The following BICD1 variants were observed in gnomAD, a reference collection of about 807,000 sequenced individuals.
The protein encoded by BICD1 is protein bicaudal D homolog 1.
Under a neutral mutation model 92.5 loss-of-function variants are expected in BICD1, and 35 were observed. The observed-to-expected ratio is 0.38, with a 90% CI of 0.29 to 0.50. BICD1 has a LOEUF of 0.50. Among genes scored for constraint, BICD1 ranks in the 20% least tolerant of loss-of-function variants. BICD1 has a pLI of 0.93. For synonymous variants in BICD1, 429 were observed against 465.1 expected (o/e 0.92, Z 1.00); for missense variants, 950 against 1,189.8 (o/e 0.80, Z 2.97).
chr12:32,337,399 A>G lies in BICD1; in HGVS notation c.2253-100A>G. 1.8e-6 allele frequency: 2 copies of G among 1,121,888 alleles called. No homozygotes were observed. The highest frequency in any genetic ancestry group is 2.6e-6 in the Non-Finnish European group (2 of 782,872). 69.5% of individuals were successfully genotyped at this position (1,121,888 alleles called of 1,614,324 possible). ...TGCTAGACCTTTAAACCAGTCTTCTAAATTTCTAAATTTCGGTCAAATTTA... is the reference window on the plus strand; with the variant it reads ...TGCTAGACCTTTAAACCAGTCTTCTGAATTTCTAAATTTCGGTCAAATTTA... On this transcript the variant is annotated intron_variant, in intron 6 of 9. Coordinates refer to ENST00000652176, the MANE Select transcript of BICD1 (RefSeq NM_001714.4). This position sits in a 1 kb window ranked among gnomAD's most constrained non-coding sequence, Gnocchi z 4.7.
intron 8 of BICD1, among the ~76,000 whole-genome samples, chr12:32,360,296 T>C (rs190647779): frequency 6.6e-6 from 1 of 152,142 alleles, no homozygotes; most frequent in Admixed American, 6.5e-5. Flanking sequence ...CATGAACTTA[T>C]GAAAGATAGA....
At chr12:32,306,437 G>T (rs185960466) in intron 4 of BICD1, among the ~76,000 whole-genome samples, 1 of 151,714 alleles carries the variant, frequency 6.6e-6, no homozygotes, top group African/African-American at 2.4e-5. Context: ...GTAGAGACGG[G>T]GTTTCACCGT....
intron 2 of BICD1, among the ~76,000 whole-genome samples, chr12:32,250,102 C>T (rs1487935200): frequency 6.6e-6 from 1 of 152,062 alleles, no homozygotes; most frequent in Non-Finnish European, 1.5e-5. Context: ...AAAACTAAAG[C>T]TTGTCCTACA....
chr12:32,225,621 G>GTTTTTGTTTTTTTTTTTTTTTTTTTT (rs1411722126), intron 2 of BICD1, among the ~76,000 whole-genome samples: 1 of 92,776 alleles, frequency 1.1e-5, no homozygotes, highest in Non-Finnish European at 2.1e-5. Flanking sequence ...CTTTTTTTCT[G>GTTTTTGTTTTTTTTTTTTTTTTTTTT]TTTTTTTTTT....
chr12:32,237,491 AGAG>A (rs1946107678), intron 2 of BICD1, among the ~76,000 whole-genome samples: 1 of 152,186 alleles, frequency 6.6e-6, no homozygotes, highest in Admixed American at 6.5e-5. Context: ...TCATAGCTGG[AGAG>A]GAGAAGTCAA....
intron 4 of BICD1, among the ~76,000 whole-genome samples, chr12:32,317,022 C>A (rs1040902529): frequency 6.6e-6 from 1 of 152,196 alleles, no homozygotes; most frequent in Non-Finnish European, 1.5e-5. Flanking sequence ...CATGTTCCTA[C>A]AAAGGACATG....
At chr12:32,356,910 G>A (rs868101834) in intron 8 of BICD1, among the ~76,000 whole-genome samples, 1 of 151,604 alleles carries the variant, frequency 6.6e-6, no homozygotes, top group Middle Eastern at 3.5e-3. Flanking sequence ...ACTCCCGTCA[G>A]TTTAGTTTCC....
chr12:32,183,527 A>T (rs1944343008), intron 1 of BICD1, among the ~76,000 whole-genome samples: 1 of 152,174 alleles, frequency 6.6e-6, no homozygotes, highest in African/African-American at 2.4e-5. Context: ...GGCCTCCCAA[A>T]GTGCTGGCAT....
At chr12:32,234,100 C>G (rs908964690) in intron 2 of BICD1, among the ~76,000 whole-genome samples, 1 of 152,118 alleles carries the variant, frequency 6.6e-6, no homozygotes, top group Non-Finnish European at 1.5e-5. Flanking sequence ...TACTGTAGAC[C>G]TAACTGGATT....
chr12:32,351,487 C>CAAAA (rs35002678), intron 8 of BICD1, among the ~76,000 whole-genome samples: 637 of 56,188 alleles, frequency 0.011, no homozygotes, highest in Middle Eastern at 0.016. Flanking sequence ...GACTCTGTCT[C>CAAAA]AAAAAAAAAA....
At chr12:32,138,149 A>G (rs187306896) in intron 1 of BICD1, among the ~76,000 whole-genome samples, 17 of 152,320 alleles carry the variant, frequency 1.1e-4, no homozygotes, top group Admixed American at 5.2e-4. Context: ...CCTACCACAT[A>G]CTGGGTATTG....
chr12:32,360,109 CA>C (rs897748184), intron 8 of BICD1, among the ~76,000 whole-genome samples: 1 of 150,234 alleles, frequency 6.7e-6, no homozygotes, highest in Non-Finnish European at 1.5e-5. Context: ...GGTGTGAACC[CA>C]GGAGGGGGAG....
intron 2 of BICD1, among the ~76,000 whole-genome samples, chr12:32,258,592 T>C (rs1946777593): frequency 6.6e-6 from 1 of 151,592 alleles, no homozygotes; most frequent in Non-Finnish European, 1.5e-5. Context: ...TGCTGATATT[T>C]ATCGTATACA....
At chr12:32,192,013 T>C (rs996806482) in intron 1 of BICD1, among the ~76,000 whole-genome samples, 26 of 152,146 alleles carry the variant, frequency 1.7e-4, no homozygotes, top group Non-Finnish European at 1.6e-4. Context: ...AATGTAGAAA[T>C]GATTAAGCTT....
chr12:32,209,235 C>T (rs1228236975), intron 1 of BICD1, among the ~76,000 whole-genome samples: 1 of 152,184 alleles, frequency 6.6e-6, no homozygotes, highest in African/African-American at 2.4e-5. Context: ...TCATTTAAAA[C>T]AAACAGTAAT....
rs1410823701 is a variant in BICD1 at position 32,189,613 on chromosome 12, G to A, written c.214-26634G>A. Among the ~76,000 whole-genome samples the A allele has an allele frequency of 3.3e-5, 5 of 151,992 alleles. 1 individual carries two copies. The South Asian group carries it at 8.3e-4, about 25-fold the overall frequency. On this transcript the variant is annotated intron_variant, in intron 1 of 9. Transcript: ENST00000652176. ...AAAAATCACTATACCTGCATAATTT[G>A]TTGATGAATACACAGTATAAAAAGG...
At chr12:32,317,554 G>T (rs1408692680) in intron 4 of BICD1, among the ~76,000 whole-genome samples, 2 of 152,130 alleles carry the variant, frequency 1.3e-5, no homozygotes, top group African/African-American at 4.8e-5. Flanking sequence ...TGATGGGGTT[G>T]TTTGTTTTTT....
intron 1 of BICD1, among the ~76,000 whole-genome samples, chr12:32,121,094 G>A (rs1249317501): frequency 1.3e-5 from 2 of 150,082 alleles, no homozygotes; most frequent in Non-Finnish European, 3.0e-5. Flanking sequence ...TCAGCCTCCC[G>A]AGTAGCTGGG....
At chr12:32,122,658 G>A (rs1309379597) in intron 1 of BICD1, among the ~76,000 whole-genome samples, 1 of 152,048 alleles carries the variant, frequency 6.6e-6, no homozygotes, top group Non-Finnish European at 1.5e-5. Flanking sequence ...ATGTTGAAGT[G>A]CTTGAGACAA....
Sources: gnomAD v4.1 joint callset for allele counts (sites outside exome capture counted in the v4.1 genomes callset) on GRCh38, gnomAD v4.1.1 for gene constraint, Gnocchi (gnomAD v3.1) non-coding constraint, MANE v1.5 for transcripts, NCBI Gene and HGNC (gene_info 2026-07-23, HGNC 2026-07-21) for gene names.